The following UBR3 variants were observed in gnomAD, a reference collection of about 807,000 sequenced individuals.
UBR3 encodes ubiquitin protein ligase E3 component n-recognin 3, also known as E3 ubiquitin-protein ligase UBR3.
In UBR3, 85 loss-of-function variants were observed where a neutral mutation model predicts 243.2. That is an observed-to-expected ratio of 0.35 (90% CI 0.29 to 0.42). The LOEUF (loss-of-function observed/expected upper bound fraction) is 0.42, where lower values mean the gene tolerates loss of function less well. UBR3 is among the 10% of genes least tolerant of loss of function. UBR3 has a pLI of 1.00. For missense variants in UBR3, 1,686 were observed against 2,300.8 expected, an observed-to-expected ratio of 0.73 and a Z score of 5.47; for synonymous variants, 748 against 799.8, an observed-to-expected ratio of 0.94 and a Z score of 1.09.
At position 170,000,054 on chromosome 2, in the gene UBR3, A is replaced by G. The variant is rs372240999; in HGVS notation, c.3919-1250A>G. Among the ~76,000 whole-genome samples the G allele has an allele frequency of 2.0e-5, 3 of 151,438 alleles. No homozygotes were observed. The South Asian group carries it at 6.3e-4, about 32-fold the overall frequency. On this transcript the variant is annotated intron_variant, in intron 26 of 38. Transcript: ENST00000272793. Reference sequence around the variant, plus strand: ...GGCAGGAGAATCACTTGAACCCGGGAGGCGGAGGTTGTGGTGAGCCGAGAT... The same window carrying G: ...GGCAGGAGAATCACTTGAACCCGGGGGGCGGAGGTTGTGGTGAGCCGAGAT...
At chr2:169,921,004 T>A (rs1218810386) in intron 11 of UBR3, among the ~76,000 whole-genome samples, 1 of 152,112 alleles carries the variant, frequency 6.6e-6, no homozygotes, top group Non-Finnish European at 1.5e-5. Context: ...CTAAGGTTAG[T>A]TAGGTGCAGT....
chr2:169,828,093 G>C, intron 1 of UBR3, 41 bp downstream of exon 1: 1 of 1,349,360 alleles, frequency 7.4e-7, no homozygotes, highest in Non-Finnish European at 9.5e-7. Context: ...ACCCTGGGCC[G>C]GGGACGTCGC....
intron 26 of UBR3, among the ~76,000 whole-genome samples, chr2:169,995,986 A>T (rs1246937038): frequency 6.6e-6 from 1 of 152,194 alleles, no homozygotes; most frequent in Non-Finnish European, 1.5e-5. Context: ...AAAGTAAAAC[A>T]TTATTTTTAG....
intron 1 of UBR3, among the ~76,000 whole-genome samples, chr2:169,844,537 A>G (rs2082403611): frequency 7.1e-6 from 1 of 140,232 alleles, no homozygotes; most frequent in African/African-American, 2.7e-5. Flanking sequence ...TCTGTCACCC[A>G]GGATGGAGTG....
At chr2:169,872,411 T>A (rs1342478353) in intron 2 of UBR3, 36 bp downstream of exon 2, 2 of 1,362,282 alleles carry the variant, frequency 1.5e-6, no homozygotes, top group East Asian at 2.7e-5. Flanking sequence ...GTACTCTTTT[T>A]AAATTGTAAA....
intron 11 of UBR3, among the ~76,000 whole-genome samples, chr2:169,920,455 TTAAAG>T (rs1396457898): frequency 1.3e-5 from 1 of 75,540 alleles, no homozygotes; most frequent in African/African-American, 5.1e-5. Flanking sequence ...ACCCTAAAAC[TTAAAG>T]TATAATAATA....
At chr2:169,829,220 A>T (rs200995372) in intron 1 of UBR3, among the ~76,000 whole-genome samples, 6,755 of 152,156 alleles carry the variant, frequency 0.044, 219 homozygotes, top group East Asian at 0.12. Context: ...GGCTTCTTGG[A>T]TATTAAAAAT....
intron 26 of UBR3, among the ~76,000 whole-genome samples, chr2:169,999,780 G>A (rs16857375): frequency 3.9e-5 from 6 of 152,224 alleles, no homozygotes; most frequent in African/African-American, 9.6e-5. Context: ...CAATGAAAGC[G>A]AAGTTGAAGA....
At chr2:169,965,681 T>G (rs1030960878) in intron 24 of UBR3, among the ~76,000 whole-genome samples, 7 of 152,170 alleles carry the variant, frequency 4.6e-5, no homozygotes, top group Non-Finnish European at 8.8e-5. Flanking sequence ...AAGGGATGAT[T>G]CACATCCTGG....
In UBR3 at chr2:169,982,983, A is replaced by G. The variant is rs563834596; in HGVS notation, c.3635-3662A>G. Among the ~76,000 whole-genome samples the G allele has an allele frequency of 3.3e-5, 5 of 152,264 alleles. No individual in the cohort carries two copies. In the East Asian group the frequency reaches 9.7e-4, roughly 29 times the overall value. ...GCTGATTGGTTAACAGGGGGCTGCC[A>G]TGAGCTGGTGAGACAACTTATGTGT... On this transcript the variant is annotated intron_variant, in intron 24 of 38. Transcript: ENST00000272793.
intron 37 of UBR3, chr2:170,080,332 G>A: frequency 1.6e-6 from 1 of 606,318 alleles, no homozygotes. Context: ...TCTGAATTAG[G>A]TTGGCTCTTA....
intron 10 of UBR3, among the ~76,000 whole-genome samples, chr2:169,908,601 C>T (rs561438562): frequency 6.6e-5 from 10 of 152,206 alleles, no homozygotes; most frequent in East Asian, 3.9e-4. Context: ...GTAAACACAT[C>T]GATTTACTTC....
chr2:169,893,288 A>G (rs1019402565), intron 6 of UBR3, among the ~76,000 whole-genome samples: 3 of 152,216 alleles, frequency 2.0e-5, no homozygotes, highest in African/African-American at 7.2e-5. Flanking sequence ...TAATTGATTT[A>G]AAACATTGTT....
intron 25 of UBR3, among the ~76,000 whole-genome samples, chr2:169,988,701 C>T (rs1281852111): frequency 6.6e-6 from 1 of 151,956 alleles, no homozygotes; most frequent in African/African-American, 2.4e-5. Context: ...ACTCAAGAGG[C>T]CAAGGTGGGA....
intron 30 of UBR3, among the ~76,000 whole-genome samples, chr2:170,017,552 C>G (rs201942064): frequency 1.9e-3 from 231 of 123,430 alleles, no homozygotes; most frequent in African/African-American, 7.7e-3. Context: ...CACAGACACA[C>G]ACACACACAC....
At chr2:169,910,481 T>G (rs1011368468) in intron 10 of UBR3, among the ~76,000 whole-genome samples, 1 of 152,140 alleles carries the variant, frequency 6.6e-6, no homozygotes, top group African/African-American at 2.4e-5. Flanking sequence ...TGAAAAATCA[T>G]TATTTCCGGG....
chr2:169,861,028 C>A (rs147479591), intron 1 of UBR3, among the ~76,000 whole-genome samples: 8 of 152,280 alleles, frequency 5.3e-5, no homozygotes, highest in African/African-American at 1.9e-4. Context: ...GCATCCAGCA[C>A]GGGAGAAAGA....
At chr2:169,882,507 G>T (rs188165153) in intron 5 of UBR3, among the ~76,000 whole-genome samples, 1 of 150,710 alleles carries the variant, frequency 6.6e-6, no homozygotes, top group Non-Finnish European at 1.5e-5. Flanking sequence ...TTGGGAGGCC[G>T]AGGCGGGCAG....
intron 5 of UBR3, among the ~76,000 whole-genome samples, chr2:169,881,272 C>A (rs1213518653): frequency 6.6e-6 from 1 of 151,622 alleles, no homozygotes; most frequent in Non-Finnish European, 1.5e-5. Context: ...CTCCACCTCC[C>A]GGGTTCAAGC....
Sources: allele counts gnomAD v4.1 joint callset (sites outside exome capture counted in the v4.1 genomes callset), GRCh38; gene constraint gnomAD v4.1.1; transcripts MANE v1.5; gene names NCBI Gene and HGNC (gene_info 2026-07-23, HGNC 2026-07-21).